CDH13: variants seen among roughly 807,000 people sequenced by gnomAD.
The protein encoded by CDH13 is cadherin-13.
Under a neutral mutation model 63.8 loss-of-function variants are expected in CDH13, and 24 were observed. The observed-to-expected ratio is 0.38, with a 90% CI of 0.27 to 0.53. The LOEUF is 0.53. Ranked by LOEUF, CDH13 falls within the 20% of genes least tolerant of loss-of-function variation. CDH13 has a pLI of 0.85. For missense variants in CDH13, 1,049 were observed against 903.1 expected (o/e 1.16, Z -2.07); for synonymous variants, 503 against 355.3 (o/e 1.42, Z -4.67).
chr16:82,884,146 G>T, intron 2 of CDH13: 1 of 455,038 alleles, frequency 2.2e-6, no homozygotes, highest in Non-Finnish European at 4.4e-6. Flanking sequence ...CATGCACGCT[G>T]TTTCTTTCCT....
intron 6 of CDH13, among the ~76,000 whole-genome samples, chr16:83,455,708 C>T (rs139643689): frequency 2.4e-4 from 36 of 152,242 alleles, no homozygotes; most frequent in African/African-American, 7.7e-4. Context: ...GTGGCATTGG[C>T]GGAGTGGGTG....
At chr16:83,252,087 A>G (rs963159340) in intron 5 of CDH13, among the ~76,000 whole-genome samples, 3 of 131,790 alleles carry the variant, frequency 2.3e-5, no homozygotes, top group Non-Finnish European at 3.2e-5. Context: ...GTATATATGT[A>G]TATATGTATA....
chr16:82,969,867 A>G (rs535402277), intron 2 of CDH13, among the ~76,000 whole-genome samples: 17 of 152,300 alleles, frequency 1.1e-4, no homozygotes, highest in Non-Finnish European at 1.9e-4. Context: ...CGTCTTCCTA[A>G]TAAGGCATAT....
intron 5 of CDH13, among the ~76,000 whole-genome samples, chr16:83,225,154 C>G (rs8047213): frequency 0.98 from 149,689 of 152,296 alleles, 73,626 homozygotes; most frequent in East Asian, 1. Flanking sequence ...GTCATCCTGA[C>G]GCTCACTGTA....
intron 1 of CDH13, among the ~76,000 whole-genome samples, chr16:82,765,311 G>C (rs917169962): frequency 6.6e-6 from 1 of 152,176 alleles, no homozygotes; most frequent in African/African-American, 2.4e-5. Flanking sequence ...TTAAGGGATT[G>C]CTCGTAAAGA....
chr16:83,324,635 G>T (rs1361149909), intron 5 of CDH13, among the ~76,000 whole-genome samples: 1 of 152,150 alleles, frequency 6.6e-6, no homozygotes, highest in Non-Finnish European at 1.5e-5. Context: ...ATCACGTTTT[G>T]TTCATTCATT....
intron 5 of CDH13, among the ~76,000 whole-genome samples, chr16:83,339,270 T>C (rs1203985067): frequency 6.6e-6 from 1 of 152,220 alleles, no homozygotes; most frequent in African/African-American, 2.4e-5. Context: ...AGCCATCCTC[T>C]AGACAATATT....
At chr16:83,360,905 C>T (rs965083776) in intron 6 of CDH13, among the ~76,000 whole-genome samples, 1 of 152,200 alleles carries the variant, frequency 6.6e-6, no homozygotes, top group Non-Finnish European at 1.5e-5. Flanking sequence ...AATAGTGCTG[C>T]AACAAACATA....
intron 6 of CDH13, among the ~76,000 whole-genome samples, chr16:83,371,251 C>T (rs1489799894): frequency 1.3e-5 from 2 of 152,212 alleles, no homozygotes; most frequent in African/African-American, 4.8e-5. Context: ...TTTCTGTTGA[C>T]TGCCCCATGG....
At chr16:83,719,947 A>G (rs951604445) in intron 10 of CDH13, among the ~76,000 whole-genome samples, 1 of 152,160 alleles carries the variant, frequency 6.6e-6, no homozygotes, top group African/African-American at 2.4e-5. Context: ...AGGAATCTAC[A>G]TCTCCCTGCA....
In CDH13 at chr16:82,980,225, G is replaced by A. The variant is rs377416058; in HGVS notation, c.158-51785G>A. Among the ~76,000 whole-genome samples, 504 of 152,240 alleles carry A rather than the reference G, an allele frequency of 3.3e-3. 3 individuals carry two copies. The Middle Eastern group carries it at 0.034, about 10-fold the overall frequency. On this transcript the variant is annotated intron_variant, in intron 2 of 13. Transcript: ENST00000567109. ...CTTTGAGAGATACAGCCAGCCCTCA[G>A]TGACCCAGCAGGGAAGAAGCAAGGA...
At chr16:83,308,860 C>T (rs1044931594) in intron 5 of CDH13, among the ~76,000 whole-genome samples, 1 of 152,182 alleles carries the variant, frequency 6.6e-6, no homozygotes, top group African/African-American at 2.4e-5. Context: ...TACTAAGATG[C>T]TGAAACTTAA....
chr16:83,624,889 G>C (rs909141844), intron 8 of CDH13, among the ~76,000 whole-genome samples: 3 of 152,184 alleles, frequency 2.0e-5, no homozygotes, highest in Non-Finnish European at 4.4e-5. Context: ...GTTCCCTTGA[G>C]CCTGGCCATG....
At chr16:82,738,526 T>A (rs1290250662) in intron 1 of CDH13, among the ~76,000 whole-genome samples, 1 of 152,162 alleles carries the variant, frequency 6.6e-6, no homozygotes, top group Non-Finnish European at 1.5e-5. Flanking sequence ...GTTTCCAAAT[T>A]CCTTAGCTTA....
At chr16:83,624,633 C>A (rs922979455) in intron 8 of CDH13, among the ~76,000 whole-genome samples, 2 of 152,148 alleles carry the variant, frequency 1.3e-5, no homozygotes, top group Non-Finnish European at 2.9e-5. Flanking sequence ...TGCTCACCTC[C>A]TGCTGTGCTG....
At chr16:83,682,775 C>G (rs1915511224) in intron 10 of CDH13, among the ~76,000 whole-genome samples, 1 of 152,156 alleles carries the variant, frequency 6.6e-6, no homozygotes. Context: ...AACCCCATCT[C>G]ATGTCACATT....
At chr16:82,907,745 A>G (rs1209151946) in intron 2 of CDH13, among the ~76,000 whole-genome samples, 1 of 152,134 alleles carries the variant, frequency 6.6e-6, no homozygotes, top group African/African-American at 2.4e-5. Context: ...TCTCTTGCCA[A>G]GGACTGCTGT....
chr16:82,918,053 A>G (rs1348980094), intron 2 of CDH13, among the ~76,000 whole-genome samples: 1 of 152,200 alleles, frequency 6.6e-6, no homozygotes, highest in Non-Finnish European at 1.5e-5. Context: ...TCACAAAAAG[A>G]GGTTTGTTTT....
chr16:82,639,814 G>A (rs577288845), intron 1 of CDH13, among the ~76,000 whole-genome samples: 5 of 152,212 alleles, frequency 3.3e-5, no homozygotes, highest in Non-Finnish European at 7.3e-5. Context: ...ACAGAGCAGC[G>A]AGAGCATGGC....
Sources: allele counts gnomAD v4.1 joint callset (sites outside exome capture counted in the v4.1 genomes callset), GRCh38; gene constraint gnomAD v4.1.1; transcripts MANE v1.5; gene names NCBI Gene and HGNC (gene_info 2026-07-23, HGNC 2026-07-21).